Variants in DIP2C observed in about 807,000 individuals in gnomAD.
DIP2C encodes DIP2 acetate--CoA ligase C (putative).
A neutral mutation model predicts 192.4 loss-of-function variants in DIP2C; 33 were observed. That is an observed-to-expected ratio of 0.17 (90% CI 0.13 to 0.23). DIP2C has a LOEUF of 0.23. Ranked by LOEUF, DIP2C falls within the 10% of genes least tolerant of loss-of-function variation. The probability of loss-of-function intolerance (pLI) is 1.00; values close to 1 mark genes in which losing one functional copy is unlikely to be tolerated. For synonymous variants in DIP2C, 979 were observed against 864.1 expected (o/e 1.13, Z -2.33); for missense variants, 1,537 against 2,110.1 (o/e 0.73, Z 5.32).
chr10:554,602 C>T (rs1219679141), intron 1 of DIP2C, among the ~76,000 whole-genome samples: 2 of 152,232 alleles, frequency 1.3e-5, no homozygotes, highest in South Asian at 2.1e-4. Context: ...AGGGGCAAGA[C>T]CCCGGTTCCC....
Position 597,114 on chromosome 10 carries a change from G to A in DIP2C, c.85+92380C>T, listed in dbSNP as rs186363551. 2.2e-3 allele frequency among the ~76,000 whole-genome samples: 335 copies of A among 152,280 alleles called. 4 individuals carry two copies. The highest frequency in any genetic ancestry group is 7.1e-3 in the African/African-American group (297 of 41,560). On this transcript the variant is annotated intron_variant, in intron 1 of 36. Coordinates refer to ENST00000280886, the MANE Select transcript of DIP2C (RefSeq NM_014974.3). ...CTGTCCACCCAGGGCTCCAGGGCTC[G>A]AGTAAAACAGCAAGGCGGGGAAGGC...
intron 30 of DIP2C, among the ~76,000 whole-genome samples, chr10:328,057 C>A (rs571901028): frequency 6.6e-5 from 10 of 152,304 alleles, no homozygotes. Context: ...GGGGCGGCCA[C>A]CAAAACCCCA....
intron 1 of DIP2C, among the ~76,000 whole-genome samples, chr10:598,265 G>GA (rs1456988077): frequency 6.6e-6 from 1 of 151,414 alleles, no homozygotes; most frequent in Non-Finnish European, 1.5e-5. Flanking sequence ...CCAGGAAGGT[G>GA]AAAGCCGGCA....
intron 1 of DIP2C, among the ~76,000 whole-genome samples, chr10:597,373 T>C (rs1851772160): frequency 6.6e-6 from 1 of 152,170 alleles, no homozygotes; most frequent in African/African-American, 2.4e-5. Context: ...GCTGGCTCTG[T>C]CTCTCTGGAG....
At position 612,723 on chromosome 10, in the gene DIP2C, T is replaced by G. The variant is rs183820139; in HGVS notation, c.85+76771A>C. On this transcript the variant is annotated intron_variant, in intron 1 of 36. Transcript: ENST00000280886. ...CGCCGACTGTGTCTAGAGAGCTCTG[T>G]GGCCCAATTTACACAAAAAGGTCCT... Among the ~76,000 whole-genome samples, 55 of 152,256 alleles carry G rather than the reference T, an allele frequency of 3.6e-4. 1 individual carries two copies. The East Asian group carries it at 0.011, about 29-fold the overall frequency.
chr10:448,027 G>A (rs1392666832), intron 3 of DIP2C, among the ~76,000 whole-genome samples: 23 of 54,722 alleles, frequency 4.2e-4, no homozygotes, highest in South Asian at 7.0e-4. Flanking sequence ...TCCCACTGAT[G>A]CTCAGGATCA....
chr10:445,392 C>A (rs1388643090), intron 3 of DIP2C, among the ~76,000 whole-genome samples: 1 of 151,138 alleles, frequency 6.6e-6, no homozygotes, highest in African/African-American at 2.4e-5. Flanking sequence ...CACTGGGCAT[C>A]TGTATATATT....
intron 9 of DIP2C, among the ~76,000 whole-genome samples, chr10:405,140 CAG>C (rs1281037596): frequency 6.6e-6 from 1 of 152,234 alleles, no homozygotes; most frequent in Admixed American, 6.5e-5. Flanking sequence ...GCTCTGGAGG[CAG>C]AGTCTTCACC....
chr10:672,222 CGGA>C (rs1830687241), intron 1 of DIP2C, among the ~76,000 whole-genome samples: 1 of 150,436 alleles, frequency 6.6e-6, no homozygotes, highest in East Asian at 2.0e-4. Flanking sequence ...GACGCAGGGA[CGGA>C]AGAAACACCA....
chr10:321,414 CCT>C lies in DIP2C; in HGVS notation c.3924+5590_3924+5591del, dbSNP rs61381333. Among the ~76,000 whole-genome samples, 1,120 of 152,304 alleles carry C rather than the reference CCT, an allele frequency of 7.4e-3. 22 individuals carry two copies. The highest frequency in any genetic ancestry group is 0.026 in the African/African-American group (1,075 of 41,524). On this transcript the variant is annotated intron_variant, in intron 31 of 36. Transcript: ENST00000280886. Reference sequence around the variant, plus strand: ...GCCCTGCTGCACACGGGTGAGGCTCCCTCTCTCTTTTGGACAATGTTCTTTGC... The same window carrying C: ...GCCCTGCTGCACACGGGTGAGGCTCCCTCTCTTTTGGACAATGTTCTTTGC...
chr10:419,394 G>A (rs1022423089), intron 5 of DIP2C, among the ~76,000 whole-genome samples, 195 bp from the exon 6 acceptor site: 5 of 152,206 alleles, frequency 3.3e-5, no homozygotes, highest in African/African-American at 9.6e-5. Flanking sequence ...TCATGTTGCC[G>A]CAAATGGAGC....
chr10:607,035 A>C (rs952876107), intron 1 of DIP2C, among the ~76,000 whole-genome samples: 3 of 152,196 alleles, frequency 2.0e-5, no homozygotes, highest in Non-Finnish European at 4.4e-5. Flanking sequence ...ACCAAGACCG[A>C]TCTGTGTCCC....
At chr10:454,166 C>T (rs1969087917) in intron 3 of DIP2C, among the ~76,000 whole-genome samples, 1 of 152,150 alleles carries the variant, frequency 6.6e-6, no homozygotes, top group Non-Finnish European at 1.5e-5. Flanking sequence ...AGTTCATTCC[C>T]TTTAGGCCTT....
intron 1 of DIP2C, among the ~76,000 whole-genome samples, chr10:685,112 C>A (rs1588768794): frequency 2.7e-5 from 3 of 111,896 alleles, no homozygotes; most frequent in Admixed American, 1.1e-4. Context: ...CCAGCCTGGG[C>A]AACAAGAGTG....
intron 4 of DIP2C, among the ~76,000 whole-genome samples, chr10:430,704 C>T (rs965650805): frequency 3.9e-5 from 6 of 152,154 alleles, no homozygotes; most frequent in Middle Eastern, 3.2e-3. Context: ...TCAATTATTT[C>T]ACACCTTGCA....
intron 32 of DIP2C, among the ~76,000 whole-genome samples, chr10:303,770 G>T (rs1368761797): frequency 6.6e-6 from 1 of 152,114 alleles, no homozygotes; most frequent in African/African-American, 2.4e-5. Context: ...TGATCTGCCC[G>T]CCTCAGCCTC....
At position 523,499 on chromosome 10, in the gene DIP2C, G is replaced by C. The variant is rs367782106; in HGVS notation, c.86-36969C>G. On this transcript the variant is annotated intron_variant, in intron 1 of 36. Transcript: ENST00000280886. ...CCTGGAGTGAGGATGCAGGGACTCTGTGTCACCCACACACTCGTTTCTACC... is the reference window on the plus strand; with the variant it reads ...CCTGGAGTGAGGATGCAGGGACTCTCTGTCACCCACACACTCGTTTCTACC... Among the ~76,000 whole-genome samples, 8 of 143,526 alleles carry C rather than the reference G, an allele frequency of 5.6e-5. 1 individual carries two copies. The South Asian group carries it at 1.8e-3, about 33-fold the overall frequency. 94.2% of individuals were successfully genotyped at this position (143,526 alleles called of 152,430 possible).
At chr10:336,291 T>C (rs1012227514) in intron 29 of DIP2C, among the ~76,000 whole-genome samples, 1 of 152,184 alleles carries the variant, frequency 6.6e-6, no homozygotes. Flanking sequence ...GGTGGTCTCA[T>C]GAGCCTGTAA....
chr10:554,136 A>G (rs1338478694), intron 1 of DIP2C, among the ~76,000 whole-genome samples: 1 of 152,242 alleles, frequency 6.6e-6, no homozygotes, highest in Non-Finnish European at 1.5e-5. Context: ...ACATCTTAGG[A>G]GAAAAGGTAC....
Sources: allele counts gnomAD v4.1 joint callset (sites outside exome capture counted in the v4.1 genomes callset), GRCh38; gene constraint gnomAD v4.1.1; transcripts MANE v1.5; gene names NCBI Gene and HGNC (gene_info 2026-07-23, HGNC 2026-07-21).